SAMD5: variants seen among roughly 807,000 people sequenced by gnomAD.
SAMD5 encodes sterile alpha motif domain-containing protein 5.
A neutral mutation model predicts 11.3 loss-of-function variants in SAMD5; 13 were observed. That is an observed-to-expected ratio of 1.15 (90% CI 0.75 to 1.83). The LOEUF is 1.83. SAMD5 is among the 40% of genes most tolerant of loss of function. The pLI is 0.00. For synonymous variants in SAMD5, 129 were observed against 111.3 expected, an observed-to-expected ratio of 1.16 and a Z score of -1.00; for missense variants, 255 against 239.1, an observed-to-expected ratio of 1.07 and a Z score of -0.44.
At chr6:147,723,697 C>G (rs76198954) in intron 1 of SAMD5, among the ~76,000 whole-genome samples, 6 of 152,080 alleles carry the variant, frequency 3.9e-5, no homozygotes, top group African/African-American at 1.4e-4. Context: ...AAAACATAAG[C>G]CACTTTCTTA....
At chr6:147,929,646 C>T in the SAMD5 span, among the ~76,000 whole-genome samples, 3 of 152,126 alleles carry the variant, frequency 2.0e-5, no homozygotes, top group East Asian at 1.9e-4. Flanking sequence ...GATGGTCACA[C>T]TTGTATGTAG....
chr6:147,653,962 G>A (rs1037072832), intron 1 of SAMD5, among the ~76,000 whole-genome samples: 5 of 152,080 alleles, frequency 3.3e-5, no homozygotes, highest in Admixed American at 2.0e-4. Context: ...TACAACACTG[G>A]TCACAGCCCA....
chr6:147,540,585 G>T (rs531604281), intron 1 of SAMD5, among the ~76,000 whole-genome samples: 1 of 152,074 alleles, frequency 6.6e-6, no homozygotes, highest in African/African-American at 2.4e-5. Flanking sequence ...CAAGCTTATG[G>T]GGGTCTTAAA....
At chr6:147,671,081 A>T (rs1382022587) in intron 1 of SAMD5, among the ~76,000 whole-genome samples, 1 of 152,192 alleles carries the variant, frequency 6.6e-6, no homozygotes, top group Non-Finnish European at 1.5e-5. Context: ...GTTGTGTCTC[A>T]GTGAAATAGA....
At chr6:147,884,278 C>T in the SAMD5 span, among the ~76,000 whole-genome samples, 1 of 152,082 alleles carries the variant, frequency 6.6e-6, no homozygotes, top group African/African-American at 2.4e-5. Flanking sequence ...CAAGGTGGAA[C>T]GGAGATTGAT....
At chr6:147,769,559 A>G in the SAMD5 span, among the ~76,000 whole-genome samples, 1 of 152,178 alleles carries the variant, frequency 6.6e-6, no homozygotes, top group East Asian at 1.9e-4. Flanking sequence ...AGATTAATAG[A>G]TTATAATCAT....
At chr6:147,900,422 G>C in the SAMD5 span, among the ~76,000 whole-genome samples, 3 of 152,214 alleles carry the variant, frequency 2.0e-5, no homozygotes, top group Admixed American at 2.0e-4. Flanking sequence ...CATTTTGCTG[G>C]AGACGCAAAA....
intron 1 of SAMD5, among the ~76,000 whole-genome samples, chr6:147,712,810 A>T (rs983965291): frequency 8.4e-5 from 12 of 143,106 alleles, no homozygotes; most frequent in East Asian, 2.0e-4. Context: ...TGGAACTATA[A>T]AAAAAAAAAA....
At chr6:147,660,588 A>G (rs1417845334) in intron 1 of SAMD5, 1 of 152,240 alleles carries the variant, frequency 6.6e-6, no homozygotes, top group African/African-American at 2.4e-5. Context: ...GGGGCCTGGT[A>G]CAAAGTAATT....
At chr6:147,878,105 T>G in the SAMD5 span, among the ~76,000 whole-genome samples, 1 of 151,528 alleles carries the variant, frequency 6.6e-6, no homozygotes, top group African/African-American at 2.4e-5. Flanking sequence ...TCATAATATA[T>G]ATATATAAAA....
At chr6:147,570,964 C>A (rs1418668109), downstream of SAMD5, among the ~76,000 whole-genome samples, 1 of 152,066 alleles carries the variant, frequency 6.6e-6, no homozygotes, top group Non-Finnish European at 1.5e-5. Flanking sequence ...GGGAAGTATA[C>A]CTAAAGGGTT....
At chr6:147,520,560 C>T (rs751419546) in intron 1 of SAMD5, among the ~76,000 whole-genome samples, 3 of 152,228 alleles carry the variant, frequency 2.0e-5, no homozygotes, top group Middle Eastern at 3.4e-3. Context: ...AATTTAAAAT[C>T]GTCTATATTA....
chr6:147,641,042 C>G (rs2128452351), intron 1 of SAMD5, among the ~76,000 whole-genome samples: 1 of 152,286 alleles, frequency 6.6e-6, no homozygotes, highest in East Asian at 1.9e-4. Context: ...TGTAAACCTG[C>G]TTTAACATCC....
At chr6:147,610,080 T>G (rs1789760379) in intron 1 of SAMD5, among the ~76,000 whole-genome samples, 1 of 152,284 alleles carries the variant, frequency 6.6e-6, no homozygotes, top group South Asian at 2.1e-4. Flanking sequence ...CTATAAACAA[T>G]GAACATAATT....
downstream of SAMD5, among the ~76,000 whole-genome samples, chr6:147,739,091 G>T (rs985245758): frequency 1.3e-5 from 2 of 152,110 alleles, no homozygotes; most frequent in African/African-American, 4.8e-5. Context: ...GCCTGTCTAG[G>T]ATGGTGTTGG....
At chr6:147,940,639 T>A in the SAMD5 span, among the ~76,000 whole-genome samples, 9 of 152,184 alleles carry the variant, frequency 5.9e-5, no homozygotes, top group African/African-American at 1.9e-4. Flanking sequence ...TGCTGCATCA[T>A]CTTGTGGTCA....
the SAMD5 span, among the ~76,000 whole-genome samples, chr6:147,931,352 C>T: frequency 6.6e-6 from 1 of 152,130 alleles, no homozygotes; most frequent in East Asian, 1.9e-4. Context: ...TTATTCAGCT[C>T]TCTCCTTCAA....
the SAMD5 span, among the ~76,000 whole-genome samples, chr6:147,755,812 A>T: frequency 6.6e-6 from 1 of 152,124 alleles, no homozygotes; most frequent in Non-Finnish European, 1.5e-5. Context: ...GCTTCTTCAG[A>T]GTTCATAATT....
At chr6:147,796,547 C>T in the SAMD5 span, among the ~76,000 whole-genome samples, 3 of 152,200 alleles carry the variant, frequency 2.0e-5, no homozygotes, top group Admixed American at 2.0e-4. Context: ...CTTGGCGATA[C>T]AGTCTCTTTT....
Sources: gnomAD v4.1 joint callset for allele counts (sites outside exome capture counted in the v4.1 genomes callset) on GRCh38, gnomAD v4.1.1 for gene constraint, MANE v1.5 for transcripts, NCBI Gene and HGNC (gene_info 2026-07-23, HGNC 2026-07-21) for gene names.